The following TSGA10IP variants were observed in gnomAD, a reference collection of about 807,000 sequenced individuals.
The protein encoded by TSGA10IP is testis-specific protein 10-interacting protein.
TSGA10IP carries 64 observed loss-of-function variants against 63.2 expected under a neutral mutation model. The ratio of observed to expected loss-of-function variants is 1.01; its 90% CI spans 0.83 to 1.25. The LOEUF (loss-of-function observed/expected upper bound fraction) is 1.25. Among genes scored for constraint, TSGA10IP ranks in the 50% most tolerant of loss-of-function variants. The probability of loss-of-function intolerance (pLI) is 0.00; values close to 1 mark genes in which losing one functional copy is unlikely to be tolerated. For synonymous variants in TSGA10IP, 316 were observed against 298.3 expected (o/e 1.06, Z -0.61); for missense variants, 681 against 710.1 (o/e 0.96, Z 0.47).
intron 5 of TSGA10IP, among the ~76,000 whole-genome samples, chr11:65,957,401 G>A (rs1257124251): frequency 6.6e-6 from 1 of 152,080 alleles, no homozygotes; most frequent in Non-Finnish European, 1.5e-5. Context: ...TGCCCGCCTC[G>A]GCCAGCTCCT....
chr11:65,949,054 A>T (rs1854897945), intron 4 of TSGA10IP, among the ~76,000 whole-genome samples: 1 of 151,896 alleles, frequency 6.6e-6, no homozygotes, highest in Non-Finnish European at 1.5e-5. Flanking sequence ...AAAAAAAAAG[A>T]TTAGCCTGGC....
chr11:65,956,780 C>T (rs887807856), intron 5 of TSGA10IP, among the ~76,000 whole-genome samples: 8 of 152,112 alleles, frequency 5.3e-5, no homozygotes, highest in Admixed American at 2.6e-4. Context: ...CTGGCTGCCT[C>T]GGCCTCCCAG....
At chr11:65,950,118 G>T (rs1230583626) in intron 4 of TSGA10IP, among the ~76,000 whole-genome samples, 1 of 151,412 alleles carries the variant, frequency 6.6e-6, no homozygotes, top group Non-Finnish European at 1.5e-5. Context: ...CCCAAAGTGC[G>T]GGGATCACAG....
intron 3 of TSGA10IP, 86 bp downstream of exon 3, chr11:65,947,914 G>T: frequency 6.6e-7 from 1 of 1,511,654 alleles, no homozygotes; most frequent in Non-Finnish European, 8.9e-7. Flanking sequence ...GCTCAGGCAG[G>T]CTGGGCTGTG....
Position 65,945,641 on chromosome 11 carries a change from G to A in TSGA10IP, c.-35G>A. The A allele has an allele frequency of 6.2e-7, 1 of 1,604,204 alleles. No individual in the cohort carries two copies. Among genetic ancestry groups the A allele is most frequent in the Non-Finnish European group, 8.5e-7 (1 of 1,173,342 alleles). On this transcript the variant is annotated 5_prime_UTR_variant, in exon 1 of 8. An upstream open reading frame in the 5' UTR loses its in-frame stop. Coordinates refer to ENST00000532620, the Ensembl canonical transcript of TSGA10IP. Reference sequence around the variant, plus strand: ...TGGTTGCCATAGAGATGGCCTGTTAGGCAGTTCTACGGTGCGGATGGGGGA... The same window carrying A: ...TGGTTGCCATAGAGATGGCCTGTTAAGCAGTTCTACGGTGCGGATGGGGGA...
chr11:65,953,004 A>G (rs1347527110), intron 4 of TSGA10IP, among the ~76,000 whole-genome samples: 1 of 149,128 alleles, frequency 6.7e-6, no homozygotes, highest in Non-Finnish European at 1.5e-5. Flanking sequence ...CTTCCAAAGC[A>G]CCCTTCATTT....
chr11:65,958,823 G>A, intron 5 of TSGA10IP, 60 bp from the exon 6 acceptor site: 2 of 1,441,544 alleles, frequency 1.4e-6, no homozygotes, highest in Non-Finnish European at 1.9e-6. Flanking sequence ...AGCGGGCTCA[G>A]GAATGGAGAT....
rs377116599 is a variant in TSGA10IP, at chr11:65,949,850, G to GTTTTTTT, written c.1151+1717_1151+1723dup. ...ACTAATTAACATATGCATTACCTCGGTTTTTTTTTTTTTTTTTTTTTGAGA... is the reference window on the plus strand; with the variant it reads ...ACTAATTAACATATGCATTACCTCGGTTTTTTTTTTTTTTTTTTTTTTTTTTTTGAGA... On this transcript the variant is annotated intron_variant, in intron 4 of 7. Coordinates refer to ENST00000532620, the Ensembl canonical transcript of TSGA10IP. Among the ~76,000 whole-genome samples, 8 of 101,700 alleles carry GTTTTTTT rather than the reference G, an allele frequency of 7.9e-5. 1 individual carries two copies. The highest frequency in any genetic ancestry group is 6.4e-4 in the East Asian group (2 of 3,128). The allele number at this position is 101,700 out of a possible 152,430, so 66.7% of individuals were successfully genotyped here.
intron 5 of TSGA10IP, among the ~76,000 whole-genome samples, chr11:65,955,045 GTT>G: frequency 6.6e-6 from 1 of 152,270 alleles, no homozygotes; most frequent in South Asian, 2.1e-4. Context: ...CTAGGGGTGT[GTT>G]TTTTTACCAT....
At chr11:65,954,595 GAA>G (rs1355517243) in intron 5 of TSGA10IP, among the ~76,000 whole-genome samples, 1 of 151,948 alleles carries the variant, frequency 6.6e-6, no homozygotes, top group Non-Finnish European at 1.5e-5. Flanking sequence ...CCGCACAAAA[GAA>G]AAAGTTTATT....
exon 5 of TSGA10IP, chr11:65,953,594 G>C (rs1477105072): frequency 2.5e-6 from 4 of 1,590,230 alleles, no homozygotes; most frequent in Non-Finnish European, 3.4e-6. Flanking sequence ...GGGAGCGGCA[G>C]CGGCAGGAGG....
In TSGA10IP at chr11:65,947,535, GC is replaced by G; in HGVS notation, c.714del (p.Arg239GlyfsTer106). On this transcript the variant is annotated frameshift_variant, in exon 3 of 8. Coordinates refer to ENST00000532620, the Ensembl canonical transcript of TSGA10IP. LOFTEE classifies it high-confidence loss of function. ...CTGAGTTCTGGGGTGCTGCCCCAGCGCCCCAGGAGGGGGTCGATCTCAGAGG... is the reference window on the plus strand; with the variant it reads ...CTGAGTTCTGGGGTGCTGCCCCAGCGCCCAGGAGGGGGTCGATCTCAGAGG... 6.2e-7 allele frequency: 1 copy of G among 1,613,722 alleles called. No individual in the cohort carries two copies. The highest frequency in any genetic ancestry group is 8.5e-7 in the Non-Finnish European group (1 of 1,179,764).
Position 65,945,730 on chromosome 11 carries a change from TCGGTGCGACCAGGGCAGGACGTGCGG to T in TSGA10IP, c.57_82del (p.Val20ProfsTer28). ...CTACCAACAGTTGGTTAGGACCCCGTCGGTGCGACCAGGGCAGGACGTGCGGCTCCAGGCTCCAGGAACCAGAACGG... is the reference window on the plus strand; with the variant it reads ...CTACCAACAGTTGGTTAGGACCCCGTCTCCAGGCTCCAGGAACCAGAACGG... On this transcript the variant is annotated frameshift_variant, in exon 1 of 8. Coordinates refer to ENST00000532620, the Ensembl canonical transcript of TSGA10IP. LOFTEE classifies it high-confidence loss of function. 6.2e-7 allele frequency: 1 copy of T among 1,610,666 alleles called. No homozygotes were observed. Among genetic ancestry groups the T allele is most frequent in the Non-Finnish European group, 8.5e-7 (1 of 1,179,690 alleles).
chr11:65,950,278 C>T (rs552023335), intron 4 of TSGA10IP, among the ~76,000 whole-genome samples: 1 of 152,142 alleles, frequency 6.6e-6, no homozygotes, highest in South Asian at 2.1e-4. Context: ...ACTTATTTCT[C>T]CTCTCTAACT....
chr11:65,946,789 C>A, intron 1 of TSGA10IP, 91 bp from the exon 2 acceptor site: 4 of 1,462,264 alleles, frequency 2.7e-6, no homozygotes, highest in South Asian at 2.6e-5. Flanking sequence ...CCAGGCCCAG[C>A]CAGGTGCACA....
chr11:65,958,268 A>ATTG (rs971832741), intron 5 of TSGA10IP, among the ~76,000 whole-genome samples: 2 of 152,146 alleles, frequency 1.3e-5, no homozygotes, highest in Non-Finnish European at 2.9e-5. Context: ...ATAAATGAAA[A>ATTG]TTGTGCTTCC....
In TSGA10IP at chr11:65,945,667, T is replaced by C; in HGVS notation, c.-9T>C. On this transcript the variant is annotated 5_prime_UTR_variant, in exon 1 of 8. It removes an upstream start codon present in the reference 5' UTR. Transcript: ENST00000532620. ...GCAGTTCTACGGTGCGGATGGGGGATGGGGCAGGATGGGGCAGGACACCGA... is the reference window on the plus strand; with the variant it reads ...GCAGTTCTACGGTGCGGATGGGGGACGGGGCAGGATGGGGCAGGACACCGA... The C allele has an allele frequency of 2.5e-6, 4 of 1,612,360 alleles. No homozygotes were observed. The highest frequency in any genetic ancestry group is 3.4e-6 in the Non-Finnish European group (4 of 1,178,994).
chr11:65,947,650 G>A, exon 3 of TSGA10IP: 1 of 1,612,316 alleles, frequency 6.2e-7, no homozygotes, highest in South Asian at 1.1e-5. Context: ...AGAGAAAGGG[G>A]CAGATTTCTG....
exon 6 of TSGA10IP, chr11:65,958,901 C>T (rs748294432): frequency 1.2e-6 from 2 of 1,612,972 alleles, no homozygotes; most frequent in Admixed American, 3.3e-5. Flanking sequence ...AGCGACAGCG[C>T]TTTGCTGAGT....
Sources: allele counts gnomAD v4.1 joint callset (sites outside exome capture counted in the v4.1 genomes callset), GRCh38; gene constraint gnomAD v4.1.1; transcripts MANE v1.5; gene names NCBI Gene and HGNC (gene_info 2026-07-23, HGNC 2026-07-21).